The following FAM13C variants were observed in gnomAD, a reference collection of about 807,000 sequenced individuals.
FAM13C encodes the protein family with sequence similarity 13 member C.
FAM13C carries 37 observed loss-of-function variants against 73.2 expected under a neutral mutation model. That is an observed-to-expected ratio of 0.51 (90% CI 0.39 to 0.67). The LOEUF is 0.67. FAM13C is among the 30% of genes least tolerant of loss of function. FAM13C has a pLI of 0.00. For synonymous variants in FAM13C, 246 were observed against 260.9 expected (o/e 0.94, Z 0.55); for missense variants, 589 against 715.6 (o/e 0.82, Z 2.02).
chr10:59,344,956 C>T (rs761002546), intron 3 of FAM13C, among the ~76,000 whole-genome samples: 21 of 152,196 alleles, frequency 1.4e-4, no homozygotes, highest in Non-Finnish European at 2.4e-4. Flanking sequence ...CTCTATGTGT[C>T]GGTAGATCTT....
chr10:59,297,403 G>A (rs1312733676), intron 5 of FAM13C: 1 of 152,194 alleles, frequency 6.6e-6, no homozygotes, highest in African/African-American at 2.4e-5. Flanking sequence ...AAGGTGGGAT[G>A]AATAGATTAT....
chr10:59,342,564 C>T (rs958741945), intron 3 of FAM13C, among the ~76,000 whole-genome samples: 19 of 151,882 alleles, frequency 1.3e-4, no homozygotes, highest in Admixed American at 1.2e-3. Flanking sequence ...AAGTAATTTA[C>T]GTAAGTATAC....
intron 3 of FAM13C, among the ~76,000 whole-genome samples, chr10:59,336,600 A>T (rs1852753300): frequency 6.6e-6 from 1 of 152,308 alleles, no homozygotes; most frequent in African/African-American, 2.4e-5. Context: ...GGGAGGCTGG[A>T]AAAACAAATA....
intron 10 of FAM13C, among the ~76,000 whole-genome samples, chr10:59,261,494 T>TA (rs1178597401): frequency 1.3e-5 from 2 of 152,160 alleles, no homozygotes; most frequent in Admixed American, 1.3e-4. Flanking sequence ...GAAAATTAAA[T>TA]ATGCTAGTTT....
chr10:59,305,213 G>A (rs1848124308), intron 4 of FAM13C, among the ~76,000 whole-genome samples: 1 of 152,094 alleles, frequency 6.6e-6, no homozygotes, highest in Non-Finnish European at 1.5e-5. Flanking sequence ...TCTACTCAAA[G>A]TCATTTTCTG....
chr10:59,251,195 T>C (rs1235602237), intron 13 of FAM13C: 8 of 287,854 alleles, frequency 2.8e-5, no homozygotes, highest in Non-Finnish European at 5.1e-5. Flanking sequence ...TATTATTTAA[T>C]AAATTAGGGA....
chr10:59,343,808 G>T (rs974226455), intron 3 of FAM13C, among the ~76,000 whole-genome samples: 3 of 152,160 alleles, frequency 2.0e-5, no homozygotes, highest in Non-Finnish European at 4.4e-5. Flanking sequence ...ATGCACTTTT[G>T]TTGGTTTAAA....
intron 4 of FAM13C, among the ~76,000 whole-genome samples, chr10:59,314,198 A>G (rs577427423): frequency 2.0e-5 from 3 of 152,280 alleles, no homozygotes; most frequent in Non-Finnish European, 2.9e-5. Flanking sequence ...AGATAGATGT[A>G]TTGGCAAGCC....
At chr10:59,356,221 C>T (rs1288817846) in intron 1 of FAM13C, among the ~76,000 whole-genome samples, 1 of 152,184 alleles carries the variant, frequency 6.6e-6, no homozygotes, top group Admixed American at 6.5e-5. Flanking sequence ...GTGTTCACAG[C>T]ACTTGAGGGG....
chr10:59,252,147 G>A (rs1017542898), intron 12 of FAM13C, among the ~76,000 whole-genome samples: 1 of 152,082 alleles, frequency 6.6e-6, no homozygotes, highest in Non-Finnish European at 1.5e-5. Context: ...AGAAGAAAGC[G>A]ATAGTTACAT....
At chr10:59,289,261 T>G (rs545766333) in intron 5 of FAM13C, among the ~76,000 whole-genome samples, 1 of 152,190 alleles carries the variant, frequency 6.6e-6, no homozygotes, top group African/African-American at 2.4e-5. Context: ...TGCCCACTGC[T>G]CATCTTCTCG....
chr10:59,334,779 C>A (rs1852511961), intron 3 of FAM13C, among the ~76,000 whole-genome samples: 1 of 151,366 alleles, frequency 6.6e-6, no homozygotes, highest in South Asian at 2.1e-4. Flanking sequence ...GGAGGGATAG[C>A]ATTAGGAGAT....
chr10:59,323,081 C>T (rs1850542697), intron 4 of FAM13C: 1 of 152,206 alleles, frequency 6.6e-6, no homozygotes, highest in South Asian at 2.1e-4. Flanking sequence ...AGCCAATCTT[C>T]TCTGTAGTTG....
rs111744536 is a variant in FAM13C at position 59,297,873 on chromosome 10, C to T, written c.507+4928G>A. The stretch of plus-strand genomic sequence containing the variant: ...GAAACATACCTGGGGGAGACAGACA[C>T]CTGTCTCTATGGTTTTACTCTGGGG... On this transcript the variant is annotated intron_variant, in intron 5 of 13. Coordinates refer to ENST00000618804, the MANE Select transcript of FAM13C (RefSeq NM_198215.4). 6.3e-3 allele frequency among the ~76,000 whole-genome samples: 947 copies of T among 149,812 alleles called. 12 individuals carry two copies. Among genetic ancestry groups the T allele is most frequent in the African/African-American group, 0.022 (912 of 40,858 alleles).
At chr10:59,312,569 T>G (rs761169162) in intron 4 of FAM13C, among the ~76,000 whole-genome samples, 2 of 152,162 alleles carry the variant, frequency 1.3e-5, no homozygotes, top group Non-Finnish European at 2.9e-5. Flanking sequence ...TAACCTCCAG[T>G]GGTTTTCTTC....
intron 4 of FAM13C, among the ~76,000 whole-genome samples, chr10:59,315,246 C>CA (rs1394025093): frequency 6.6e-6 from 1 of 152,098 alleles, no homozygotes; most frequent in Non-Finnish European, 1.5e-5. Context: ...CATCTCCCCC[C>CA]AAAATTACCA....
At chr10:59,263,149 T>G (rs915630454) in intron 9 of FAM13C, among the ~76,000 whole-genome samples, 2 of 152,194 alleles carry the variant, frequency 1.3e-5, no homozygotes, top group Non-Finnish European at 2.9e-5. Flanking sequence ...GATTTTGCTA[T>G]TTTGTCTTAT....
intron 4 of FAM13C, among the ~76,000 whole-genome samples, chr10:59,304,030 C>T (rs757173961): frequency 1.3e-5 from 2 of 152,042 alleles, no homozygotes; most frequent in Non-Finnish European, 2.9e-5. Flanking sequence ...CACCTGTAGT[C>T]CCAGCTACTT....
rs10666673 is a variant in FAM13C, at chr10:59,351,331, C to CAAAAAAA, written c.324+932_324+938dup. ...TGGTTGACAGAGTGAGACCCTGTCT[C>CAAAAAAA]AAAAAAAAAAAAAAGCATCATGAAT... On this transcript the variant is annotated intron_variant, in intron 3 of 13. Transcript: ENST00000618804. 1.5e-3 allele frequency among the ~76,000 whole-genome samples: 197 copies of CAAAAAAA among 134,294 alleles called. 3 individuals are homozygous for CAAAAAAA. Among genetic ancestry groups the CAAAAAAA allele is most frequent in the African/African-American group, 5.3e-3 (189 of 35,506 alleles). The allele number at this position is 134,294 out of a possible 152,430, so 88.1% of individuals were successfully genotyped here.
Sources: allele counts gnomAD v4.1 joint callset (sites outside exome capture counted in the v4.1 genomes callset), GRCh38; gene constraint gnomAD v4.1.1; transcripts MANE v1.5; gene names NCBI Gene and HGNC (gene_info 2026-07-23, HGNC 2026-07-21).